KSR2: variants seen among roughly 807,000 people sequenced by gnomAD.
The protein encoded by KSR2 is kinase suppressor of ras 2.
In KSR2, 25 loss-of-function variants were observed where a neutral mutation model predicts 107.8. That is an observed-to-expected ratio of 0.23 (90% CI 0.17 to 0.32). KSR2 has a LOEUF of 0.32. Among genes scored for constraint, KSR2 ranks in the 10% least tolerant of loss-of-function variants. KSR2 has a pLI of 1.00. For missense variants in KSR2, 887 were observed against 1,268.9 expected, an observed-to-expected ratio of 0.70 and a Z score of 4.57; for synonymous variants, 480 against 507.0, an observed-to-expected ratio of 0.95 and a Z score of 0.71.
intron 7 of KSR2, among the ~76,000 whole-genome samples, chr12:117,567,607 G>T (rs1366859804): frequency 6.7e-6 from 1 of 149,758 alleles, no homozygotes; most frequent in Admixed American, 6.7e-5. Flanking sequence ...CCTACTCTCT[G>T]TACCTGCTTT....
At chr12:117,965,865 T>C (rs1490169323) in intron 1 of KSR2, among the ~76,000 whole-genome samples, 1 of 152,190 alleles carries the variant, frequency 6.6e-6, no homozygotes, top group East Asian at 1.9e-4. Flanking sequence ...GAAAATTCCG[T>C]GGACCCAAAT....
chr12:117,650,721 A>G (rs1305968027), intron 5 of KSR2, among the ~76,000 whole-genome samples: 1 of 152,198 alleles, frequency 6.6e-6, no homozygotes, highest in Non-Finnish European at 1.5e-5. Context: ...ATATTTGGAG[A>G]CCCAAGGAAC....
chr12:117,596,660 C>A (rs1880663314), intron 5 of KSR2, among the ~76,000 whole-genome samples: 1 of 152,038 alleles, frequency 6.6e-6, no homozygotes, highest in Admixed American at 6.6e-5. Context: ...GCAACAGAAC[C>A]CAAAACATTG....
chr12:117,918,486 C>T (rs1445008152), intron 1 of KSR2, among the ~76,000 whole-genome samples: 1 of 152,084 alleles, frequency 6.6e-6, no homozygotes, highest in Non-Finnish European at 1.5e-5. Context: ...CTTTTAATAC[C>T]TATTTCAAAT....
chr12:117,791,102 C>T (rs1890233440), intron 3 of KSR2, among the ~76,000 whole-genome samples: 5 of 152,208 alleles, frequency 3.3e-5, no homozygotes, highest in Non-Finnish European at 5.9e-5. Flanking sequence ...CCACATCTCT[C>T]CCACCTCACC....
intron 1 of KSR2, among the ~76,000 whole-genome samples, chr12:117,887,964 C>T (rs150196938): frequency 3.9e-5 from 6 of 152,286 alleles, no homozygotes; most frequent in Non-Finnish European, 7.3e-5. Context: ...GAGCAGGCTG[C>T]TCAGATGAGC....
intron 1 of KSR2, among the ~76,000 whole-genome samples, chr12:117,922,856 A>G (rs374271133): frequency 6.6e-6 from 1 of 152,188 alleles, no homozygotes. Flanking sequence ...TTCCATTTGG[A>G]GATTTGTCTA....
intron 17 of KSR2, 28 bp downstream of exon 17, chr12:117,476,436 C>G (rs1403728577): frequency 1.9e-6 from 3 of 1,563,988 alleles, no homozygotes; most frequent in Admixed American, 1.8e-5. Context: ...GGCTGTGGCT[C>G]TCAATGGCCA....
intron 3 of KSR2, among the ~76,000 whole-genome samples, chr12:117,799,558 C>T (rs1173517860): frequency 1.3e-5 from 2 of 151,582 alleles, no homozygotes; most frequent in African/African-American, 4.9e-5. Context: ...ATCTATTTTA[C>T]CATAATAAAA....
intron 3 of KSR2, among the ~76,000 whole-genome samples, chr12:117,834,915 A>T (rs1892136197): frequency 6.6e-6 from 1 of 152,228 alleles, no homozygotes; most frequent in African/African-American, 2.4e-5. Context: ...TATAGGGATC[A>T]ATGCAGTAAT....
At chr12:117,878,036 G>A (rs1893915468) in intron 1 of KSR2, among the ~76,000 whole-genome samples, 1 of 152,156 alleles carries the variant, frequency 6.6e-6, no homozygotes, top group Non-Finnish European at 1.5e-5. Context: ...AATGAGTCTT[G>A]AGGGGCTGAG....
chr12:117,905,756 C>T lies in KSR2; in HGVS notation c.181-45325G>A, dbSNP rs76929047. On this transcript the variant is annotated intron_variant, in intron 1 of 19. Transcript: ENST00000339824. ...TATGCCTGGGGACAAGACACTGGTC[C>T]GTGATACAAGGAAAATAATAAAATA... Among the ~76,000 whole-genome samples, 892 of 151,938 alleles carry T rather than the reference C, an allele frequency of 5.9e-3. 7 individuals carry two copies. The highest frequency in any genetic ancestry group is 8.7e-3 in the Non-Finnish European group (590 of 67,986).
chr12:117,929,841 T>C (rs1895647602), intron 1 of KSR2, among the ~76,000 whole-genome samples: 1 of 152,138 alleles, frequency 6.6e-6, no homozygotes, highest in Non-Finnish European at 1.5e-5. Flanking sequence ...GAATAGATGT[T>C]ACCGGGAGCA....
rs560231385 is a variant in KSR2, at chr12:117,583,648, C to G, written c.1172-1289G>C. Among the ~76,000 whole-genome samples the G allele has an allele frequency of 3.0e-4, 45 of 152,314 alleles. 1 individual carries two copies. Among genetic ancestry groups the G allele is most frequent in the Non-Finnish European group, 5.9e-4 (40 of 68,030 alleles). On this transcript the variant is annotated intron_variant, in intron 5 of 19. Transcript: ENST00000339824. ...CTATCACTCCATTACAGACTGAGTT[C>G]TGGTTCTCCCAAAGACCCTGTGCAC... is the stretch of plus-strand genomic sequence containing the variant.
chr12:117,854,855 A>G (rs1203796888), intron 3 of KSR2, among the ~76,000 whole-genome samples: 2 of 151,346 alleles, frequency 1.3e-5, no homozygotes, highest in Non-Finnish European at 2.9e-5. Flanking sequence ...AACAAGTCAC[A>G]GAGGTTATTT....
intron 6 of KSR2, among the ~76,000 whole-genome samples, chr12:117,580,498 G>A (rs1879579561): frequency 6.6e-6 from 1 of 152,160 alleles, no homozygotes; most frequent in Non-Finnish European, 1.5e-5. Flanking sequence ...CCTCTCTTGT[G>A]CTTGGGATCA....
chr12:117,628,426 T>G (rs757622045), intron 5 of KSR2, among the ~76,000 whole-genome samples: 1 of 152,180 alleles, frequency 6.6e-6, no homozygotes, highest in Non-Finnish European at 1.5e-5. Context: ...TTCCTTTCTG[T>G]TTTTTAGTTT....
intron 5 of KSR2, among the ~76,000 whole-genome samples, chr12:117,628,396 T>C (rs995565008): frequency 6.6e-6 from 1 of 152,166 alleles, no homozygotes; most frequent in African/African-American, 2.4e-5. Context: ...TAGATGACCT[T>C]TTTGTTGATG....
In KSR2 at chr12:117,525,099, C is replaced by T. The variant is rs1376569422; in HGVS notation, c.1972G>A (p.Glu658Lys). 2 of 1,613,882 alleles carry T rather than the reference C, an allele frequency of 1.2e-6. No homozygotes were observed. Among genetic ancestry groups the T allele is most frequent in the Non-Finnish European group, 1.7e-6 (2 of 1,179,890 alleles). ...KASQTSIFLQEWDIPFEQLEI... is the reference protein window; with the variant it reads ...KASQTSIFLQKWDIPFEQLEI... ...AGCTGCTCAAAGGGGATGTCCCACT[C>T]CTGAAGGAAGATGCTGGTCTGGCTG... Residue 658 changes from glutamate (E) to lysine (K), a missense_variant, in exon 14 of 20, where the codon GAG (glutamate) becomes AAG (lysine). Glu to Lys is a moderately conservative substitution (Grantham distance 56). Coordinates refer to ENST00000339824, the MANE Select transcript of KSR2 (RefSeq NM_173598.6).
Sources: allele counts gnomAD v4.1 joint callset (sites outside exome capture counted in the v4.1 genomes callset), GRCh38; gene constraint gnomAD v4.1.1; transcripts MANE v1.5; gene names NCBI Gene and HGNC (gene_info 2026-07-23, HGNC 2026-07-21).